Variants in RIMS2 observed in about 807,000 individuals in gnomAD.
RIMS2 encodes the protein regulating synaptic membrane exocytosis protein 2.
In RIMS2, 59 loss-of-function variants were observed where a neutral mutation model predicts 174.4. That is an observed-to-expected ratio of 0.34 (90% CI 0.27 to 0.42). The LOEUF is 0.42. Ranked by LOEUF, RIMS2 falls within the 10% of genes least tolerant of loss-of-function variation. The probability of loss-of-function intolerance (pLI) is 1.00; values close to 1 mark genes in which losing one functional copy is unlikely to be tolerated. For missense variants in RIMS2, 1,620 were observed against 1,666.3 expected (o/e 0.97, Z 0.48); for synonymous variants, 606 against 572.5 (o/e 1.06, Z -0.84).
At chr8:104,161,953 T>C (rs1021305295) in intron 19 of RIMS2, among the ~76,000 whole-genome samples, 1 of 152,200 alleles carries the variant, frequency 6.6e-6, no homozygotes, top group East Asian at 1.9e-4. Context: ...TCTCTGACTA[T>C]CCATTCTCCC....
intron 4 of RIMS2, among the ~76,000 whole-genome samples, chr8:103,904,505 A>G (rs1248689910): frequency 6.6e-6 from 1 of 152,058 alleles, no homozygotes; most frequent in East Asian, 1.9e-4. Context: ...TAGAGTTTTT[A>G]AAAACCATGA....
intron 1 of RIMS2, among the ~76,000 whole-genome samples, chr8:103,645,910 GT>G (rs2096319606): frequency 6.6e-6 from 1 of 152,176 alleles, no homozygotes; most frequent in Non-Finnish European, 1.5e-5. Context: ...CAATAAAGCT[GT>G]TTATTTCACC....
rs1207680614 is a variant in RIMS2, at chr8:104,047,236, C to T, written c.3334+32621C>T. On this transcript the variant is annotated intron_variant, in intron 19 of 23. Coordinates refer to ENST00000504942, the Ensembl canonical transcript of RIMS2. ...CTTTTTAGATATAAAATTTTGTCTACATTGGAAATTAAAGGATGTTACTGC... is the reference window on the plus strand; with the variant it reads ...CTTTTTAGATATAAAATTTTGTCTATATTGGAAATTAAAGGATGTTACTGC... 2.0e-5 allele frequency among the ~76,000 whole-genome samples: 3 copies of T among 152,174 alleles called. No individual in the cohort carries two copies. The South Asian group carries it at 6.2e-4, about 32-fold the overall frequency.
intron 1 of RIMS2, among the ~76,000 whole-genome samples, chr8:103,686,217 G>A (rs1260551336): frequency 6.6e-6 from 1 of 152,046 alleles, no homozygotes; most frequent in Non-Finnish European, 1.5e-5. Flanking sequence ...TTTGTTACAA[G>A]AGGTTTTTTC....
intron 19 of RIMS2, among the ~76,000 whole-genome samples, chr8:104,112,601 T>C (rs1210049635): frequency 2.0e-5 from 3 of 152,200 alleles, no homozygotes; most frequent in Non-Finnish European, 4.4e-5. Flanking sequence ...CTGCTCTAAC[T>C]AAATAAATTT....
Position 103,969,452 on chromosome 8 carries a change from T to C in RIMS2, c.2771-5898T>C, listed in dbSNP as rs149264331. On this transcript the variant is annotated intron_variant, in intron 15 of 23. Transcript: ENST00000504942. ...ATTCATATATCCTGAAGTTCAGAGA[T>C]TCTTTTCTCAACCGTGTTCAGTCTA... Among the ~76,000 whole-genome samples the C allele has an allele frequency of 4.4e-3, 672 of 152,316 alleles. 9 individuals are homozygous for C. Among genetic ancestry groups the C allele is most frequent in the African/African-American group, 0.014 (577 of 41,580 alleles).
intron 15 of RIMS2, among the ~76,000 whole-genome samples, chr8:103,965,699 G>T (rs1323145675): frequency 6.6e-6 from 1 of 151,974 alleles, no homozygotes; most frequent in Non-Finnish European, 1.5e-5. Context: ...GGTGAGAGTG[G>T]ACATCCTTAC....
chr8:104,189,660 GTATATATAGTCTCTC>G lies in RIMS2; in HGVS notation c.3335-55247_3335-55233del, dbSNP rs1476587843. Reference sequence around the variant, plus strand: ...ACAATTCTAAATATATATTCCAAATGTATATATAGTCTCTCTATATATACGCATTTAAATTATACA... The same window carrying G: ...ACAATTCTAAATATATATTCCAAATGTATATATACGCATTTAAATTATACA... On this transcript the variant is annotated intron_variant, in intron 19 of 23. Coordinates refer to ENST00000504942, the Ensembl canonical transcript of RIMS2. Among the ~76,000 whole-genome samples the G allele has an allele frequency of 3.0e-4, 44 of 148,356 alleles. No individual in the cohort carries two copies. The Middle Eastern group carries it at 0.014, about 49-fold the overall frequency.
chr8:104,225,942 A>C (rs1466171564), intron 19 of RIMS2, among the ~76,000 whole-genome samples: 1 of 152,186 alleles, frequency 6.6e-6, no homozygotes, highest in Non-Finnish European at 1.5e-5. Context: ...CACCTTTGAA[A>C]GTCCTGGAAT....
chr8:103,729,945 AC>A (rs2097570975), intron 2 of RIMS2, among the ~76,000 whole-genome samples: 1 of 152,126 alleles, frequency 6.6e-6, no homozygotes, highest in African/African-American at 2.4e-5. Flanking sequence ...ATTTTTAAAG[AC>A]TTGTTTTGTG....
chr8:103,794,835 T>C (rs550110924), intron 3 of RIMS2, among the ~76,000 whole-genome samples: 137 of 152,188 alleles, frequency 9.0e-4, no homozygotes, highest in African/African-American at 3.2e-3. Context: ...CATGAGAAAA[T>C]GCTCATCATC....
At chr8:103,792,931 C>T (rs1470025535) in intron 3 of RIMS2, among the ~76,000 whole-genome samples, 2 of 152,070 alleles carry the variant, frequency 1.3e-5, no homozygotes, top group East Asian at 1.9e-4. Flanking sequence ...GAAATTGAGG[C>T]AATAATTAAT....
chr8:103,556,003 G>T (rs1850294266), intron 1 of RIMS2, among the ~76,000 whole-genome samples: 1 of 152,116 alleles, frequency 6.6e-6, no homozygotes, highest in Admixed American at 6.6e-5. Flanking sequence ...TTCATAGAAA[G>T]AGAGAGTAGA....
chr8:103,913,147 T>TGG (rs2076037662), intron 6 of RIMS2, among the ~76,000 whole-genome samples: 1 of 150,652 alleles, frequency 6.6e-6, no homozygotes, highest in Admixed American at 6.6e-5. Context: ...TATTTTTTTT[T>TGG]TTTTGTATTT....
chr8:103,764,153 C>T (rs1286990627), intron 2 of RIMS2, among the ~76,000 whole-genome samples: 4 of 152,164 alleles, frequency 2.6e-5, no homozygotes, highest in African/African-American at 9.7e-5. Flanking sequence ...ACCTGCTTAC[C>T]TTGTGAAAAA....
intron 1 of RIMS2, among the ~76,000 whole-genome samples, chr8:103,694,281 G>C (rs1006050933): frequency 6.6e-6 from 1 of 152,128 alleles, no homozygotes; most frequent in Non-Finnish European, 1.5e-5. Flanking sequence ...ACGGGCCTCT[G>C]TTTTACTGAG....
chr8:103,987,720 C>T (rs2094454402), intron 16 of RIMS2, among the ~76,000 whole-genome samples: 1 of 152,160 alleles, frequency 6.6e-6, no homozygotes, highest in Admixed American at 6.5e-5. Context: ...ATTATCTCCA[C>T]AGGAAACCCA....
intron 3 of RIMS2, among the ~76,000 whole-genome samples, chr8:103,795,329 A>G (rs1351519566): frequency 1.3e-5 from 2 of 152,086 alleles, no homozygotes; most frequent in African/African-American, 4.8e-5. Context: ...AAACTGTCGC[A>G]AGGACAGAAA....
At chr8:103,554,737 A>G (rs2131729316) in intron 1 of RIMS2, among the ~76,000 whole-genome samples, 1 of 152,326 alleles carries the variant, frequency 6.6e-6, no homozygotes, top group Admixed American at 6.5e-5. Flanking sequence ...ACGGAGATGT[A>G]TGTCCATTGC....
Sources: gnomAD v4.1 joint callset for allele counts (sites outside exome capture counted in the v4.1 genomes callset) on GRCh38, gnomAD v4.1.1 for gene constraint, MANE v1.5 for transcripts, NCBI Gene and HGNC (gene_info 2026-07-23, HGNC 2026-07-21) for gene names.